PTPRT: variants seen among roughly 807,000 people sequenced by gnomAD.
PTPRT encodes protein tyrosine phosphatase receptor type T.
Under a neutral mutation model 176.8 loss-of-function variants are expected in PTPRT, and 56 were observed. The observed-to-expected ratio is 0.32, with a 90% CI of 0.26 to 0.40. The LOEUF is 0.40. Ranked by LOEUF, PTPRT falls within the 10% of genes least tolerant of loss-of-function variation. The probability of loss-of-function intolerance (pLI) is 1.00; values close to 1 mark genes in which losing one functional copy is unlikely to be tolerated. For synonymous variants in PTPRT, 783 were observed against 739.0 expected (o/e 1.06, Z -0.96); for missense variants, 1,540 against 1,908.2 (o/e 0.81, Z 3.60).
intron 7 of PTPRT, chr20:42,606,605 A>G (rs537924328): frequency 1.4e-4 from 21 of 152,320 alleles, no homozygotes. Context: ...CCCATTTTAC[A>G]GATGATGAAA....
chr20:43,127,778 A>G (rs1054425512), intron 1 of PTPRT, among the ~76,000 whole-genome samples: 20 of 152,200 alleles, frequency 1.3e-4, no homozygotes, highest in African/African-American at 4.8e-4. Flanking sequence ...TGCAAAAAGA[A>G]AAGTAGGAGG....
chr20:42,087,508 A>T (rs147037563), intron 27 of PTPRT, among the ~76,000 whole-genome samples: 18,243 of 149,754 alleles, frequency 0.12, 2,876 homozygotes, highest in African/African-American at 0.37. Context: ...TGGCCTCCCA[A>T]AGTGCCGGGA....
intron 23 of PTPRT, among the ~76,000 whole-genome samples, chr20:42,108,302 C>A (rs1435314912): frequency 1.3e-5 from 2 of 152,034 alleles, no homozygotes; most frequent in Non-Finnish European, 2.9e-5. Flanking sequence ...TTGAAAAGAC[C>A]CCCTAGGATT....
rs208223 is a variant in PTPRT at position 42,820,373 on chromosome 20, G to C, written c.215-28907C>G. Among the ~76,000 whole-genome samples the C allele has an allele frequency of 5.8e-4, 88 of 152,284 alleles. 1 individual carries two copies. The highest frequency in any genetic ancestry group is 2.1e-3 in the African/African-American group (87 of 41,558). ...TCAAGAAGTTCTTTGAAACCAATGAGAACAAGGAGACAGCATGCCAGAATC... is the reference window on the plus strand; with the variant it reads ...TCAAGAAGTTCTTTGAAACCAATGACAACAAGGAGACAGCATGCCAGAATC... On this transcript the variant is annotated intron_variant, in intron 2 of 30. Transcript: ENST00000373187.
chr20:43,062,264 A>G (rs1476231919), intron 1 of PTPRT, among the ~76,000 whole-genome samples: 1 of 152,200 alleles, frequency 6.6e-6, no homozygotes, highest in Non-Finnish European at 1.5e-5. Context: ...TTATGCAAAA[A>G]CAAAGAAAAG....
intron 6 of PTPRT, among the ~76,000 whole-genome samples, chr20:42,753,137 A>G (rs1265851518): frequency 3.3e-5 from 5 of 152,104 alleles, no homozygotes; most frequent in Non-Finnish European, 5.9e-5. Context: ...AGCACTGCTC[A>G]TGACATTGTG....
intron 7 of PTPRT, among the ~76,000 whole-genome samples, chr20:42,603,956 C>T (rs970768819): frequency 6.6e-6 from 1 of 152,198 alleles, no homozygotes; most frequent in Admixed American, 6.5e-5. Flanking sequence ...GAGCCAACAT[C>T]TTCCTTTTCC....
chr20:43,111,701 G>C (rs978499452), intron 1 of PTPRT, among the ~76,000 whole-genome samples: 4 of 152,138 alleles, frequency 2.6e-5, no homozygotes, highest in African/African-American at 9.7e-5. Flanking sequence ...AGGTCTCAGA[G>C]GCAGAGAGCT....
At chr20:42,830,347 C>T (rs1427487842) in intron 2 of PTPRT, among the ~76,000 whole-genome samples, 1 of 152,176 alleles carries the variant, frequency 6.6e-6, no homozygotes, top group Admixed American at 6.5e-5. Flanking sequence ...AGACAAAAGC[C>T]ACATGATTAT....
At chr20:43,174,691 T>G (rs888460393) in intron 1 of PTPRT, among the ~76,000 whole-genome samples, 2 of 152,220 alleles carry the variant, frequency 1.3e-5, no homozygotes, top group Non-Finnish European at 2.9e-5. Context: ...TGAAAATCCC[T>G]GCTGTCATAT....
At chr20:43,037,146 T>C (rs979878456) in intron 1 of PTPRT, among the ~76,000 whole-genome samples, 2 of 152,174 alleles carry the variant, frequency 1.3e-5, no homozygotes, top group Non-Finnish European at 2.9e-5. Flanking sequence ...GACACAACAA[T>C]GAATTAAGCA....
intron 9 of PTPRT, among the ~76,000 whole-genome samples, chr20:42,412,472 G>A (rs1254527592): frequency 2.2e-4 from 33 of 152,146 alleles, no homozygotes; most frequent in Non-Finnish European, 1.0e-4. Context: ...GTGCAAAATG[G>A]TACAACCACT....
At chr20:42,588,929 G>C (rs987598020) in intron 7 of PTPRT, among the ~76,000 whole-genome samples, 1 of 152,128 alleles carries the variant, frequency 6.6e-6, no homozygotes, top group African/African-American at 2.4e-5. Flanking sequence ...GCACCAAGAC[G>C]TAAAGTTATA....
intron 9 of PTPRT, among the ~76,000 whole-genome samples, chr20:42,428,917 C>T (rs35762999): frequency 0.1 from 15,546 of 152,120 alleles, 964 homozygotes; most frequent in African/African-American, 0.16. Context: ...TCCAAAACTG[C>T]GCCTTTACTC....
chr20:42,166,614 A>G (rs1305616935), intron 16 of PTPRT, among the ~76,000 whole-genome samples: 3 of 152,194 alleles, frequency 2.0e-5, no homozygotes, highest in African/African-American at 7.2e-5. Flanking sequence ...AAATGTTTAC[A>G]TAACTATTTG....
At chr20:42,594,071 G>C (rs2073627314) in intron 7 of PTPRT, among the ~76,000 whole-genome samples, 1 of 152,140 alleles carries the variant, frequency 6.6e-6, no homozygotes, top group African/African-American at 2.4e-5. Context: ...CTGTCCTAGA[G>C]AACAAGCTAG....
intron 6 of PTPRT, among the ~76,000 whole-genome samples, chr20:42,683,968 C>G (rs1055485273): frequency 1.4e-4 from 21 of 152,198 alleles, no homozygotes; most frequent in African/African-American, 4.3e-4. Flanking sequence ...AGTAGCCCAG[C>G]CTTCTCATTC....
At chr20:43,161,079 T>C (rs1014688552) in intron 1 of PTPRT, among the ~76,000 whole-genome samples, 5 of 152,198 alleles carry the variant, frequency 3.3e-5, no homozygotes, top group African/African-American at 1.2e-4. Flanking sequence ...TATACTTACA[T>C]TATACTAATG....
At chr20:42,058,797 C>G in the PTPRT span, among the ~76,000 whole-genome samples, 2 of 152,278 alleles carry the variant, frequency 1.3e-5, no homozygotes, top group Non-Finnish European at 2.9e-5. Flanking sequence ...GCTCTGCAGA[C>G]CTGCTCCCAA....
Sources: gnomAD v4.1 joint callset for allele counts (sites outside exome capture counted in the v4.1 genomes callset) on GRCh38, gnomAD v4.1.1 for gene constraint, MANE v1.5 for transcripts, NCBI Gene and HGNC (gene_info 2026-07-23, HGNC 2026-07-21) for gene names.